Variants in OPCML observed in about 807,000 individuals in gnomAD.
OPCML encodes the protein opioid binding protein/cell adhesion molecule like.
OPCML carries 13 observed loss-of-function variants against 37.8 expected under a neutral mutation model. The ratio of observed to expected loss-of-function variants is 0.34; its 90% CI spans 0.22 to 0.55. The LOEUF (loss-of-function observed/expected upper bound fraction) is 0.55. OPCML is among the 20% of genes least tolerant of loss of function. The pLI is 0.91. For missense variants in OPCML, 341 were observed against 435.6 expected (o/e 0.78, Z 1.93); for synonymous variants, 176 against 168.8 (o/e 1.04, Z -0.33).
chr11:132,589,679 A>G (rs1440940349), intron 3 of OPCML, among the ~76,000 whole-genome samples: 1 of 152,232 alleles, frequency 6.6e-6, no homozygotes, highest in African/African-American at 2.4e-5. Flanking sequence ...ACTAGGATAC[A>G]GTGGAGAGGA....
At chr11:133,091,999 T>C (rs937829501) in intron 1 of OPCML, among the ~76,000 whole-genome samples, 2 of 152,180 alleles carry the variant, frequency 1.3e-5, no homozygotes, top group African/African-American at 4.8e-5. Context: ...TCCAATGTGA[T>C]AGCTGTAAGA....
Position 133,110,623 on chromosome 11 carries a change from G to T in OPCML, c.62-167613C>A, listed in dbSNP as rs542657488. ...GTGGGGATGTTTTACGTGACTGGGA[G>T]CAAGTGCATCTTCTCATTCTGGGTT... On this transcript the variant is annotated intron_variant, in intron 1 of 7. Coordinates refer to ENST00000524381, the MANE Select transcript of OPCML (RefSeq NM_001012393.5). Among the ~76,000 whole-genome samples the T allele has an allele frequency of 4.7e-4, 72 of 152,268 alleles. 2 individuals carry two copies. In the South Asian group the frequency reaches 0.015, roughly 32 times the overall value.
intron 1 of OPCML, among the ~76,000 whole-genome samples, chr11:133,098,847 A>G (rs1949043646): frequency 6.6e-6 from 1 of 152,136 alleles, no homozygotes; most frequent in African/African-American, 2.4e-5. Context: ...AAGAAAATAT[A>G]ATGCATATAG....
At position 132,814,422 on chromosome 11, in the gene OPCML, A is replaced by G. The variant is rs143331058; in HGVS notation, c.146+128504T>C. On this transcript the variant is annotated intron_variant, in intron 2 of 7. Coordinates refer to ENST00000524381, the MANE Select transcript of OPCML (RefSeq NM_001012393.5). ...AAAGGCCTGAGAATTAGGGGAGCCA[A>G]TGATGTAAATCCCAGCCCAAGGGCA... is the stretch of plus-strand genomic sequence containing the variant. Among the ~76,000 whole-genome samples the G allele has an allele frequency of 6.0e-3, 917 of 152,306 alleles. 3 individuals carry two copies. Among genetic ancestry groups the G allele is most frequent in the Non-Finnish European group, 0.01 (695 of 68,024 alleles).
intron 1 of OPCML, among the ~76,000 whole-genome samples, chr11:133,267,702 T>C (rs906970028): frequency 6.6e-6 from 1 of 152,166 alleles, no homozygotes; most frequent in African/African-American, 2.4e-5. Context: ...TTCCCATGTG[T>C]CGTGGGAGGG....
At chr11:133,301,071 G>A (rs1942764229) in intron 1 of OPCML, 1 of 152,160 alleles carries the variant, frequency 6.6e-6, no homozygotes, top group African/African-American at 2.4e-5. Flanking sequence ...ATAAGAAACT[G>A]ACACAGATGT....
intron 1 of OPCML, among the ~76,000 whole-genome samples, chr11:133,367,960 G>A (rs561137868): frequency 7.2e-5 from 11 of 152,244 alleles, no homozygotes; most frequent in African/African-American, 2.4e-4. Context: ...TGGTCTCCCT[G>A]GCCAGCTACA....
chr11:132,913,869 G>A (rs1403948493), intron 2 of OPCML, among the ~76,000 whole-genome samples: 1 of 152,200 alleles, frequency 6.6e-6, no homozygotes, highest in South Asian at 2.1e-4. Flanking sequence ...GAGAAGGTGG[G>A]CTACATAGCA....
chr11:133,192,768 G>A (rs1294670490), intron 1 of OPCML, among the ~76,000 whole-genome samples: 4 of 152,106 alleles, frequency 2.6e-5, no homozygotes, highest in Non-Finnish European at 4.4e-5. Flanking sequence ...GGAAAGCACT[G>A]TGCAAAAGGC....
chr11:132,784,775 T>C (rs957320133), intron 2 of OPCML, among the ~76,000 whole-genome samples: 9 of 152,116 alleles, frequency 5.9e-5, no homozygotes, highest in African/African-American at 2.2e-4. Flanking sequence ...CCTCCTGCCC[T>C]CTCTCTTGCT....
chr11:133,108,545 C>T (rs967297635), intron 1 of OPCML, among the ~76,000 whole-genome samples: 4 of 152,094 alleles, frequency 2.6e-5, no homozygotes, highest in Admixed American at 6.6e-5. Flanking sequence ...TAAATGGGAG[C>T]GTTAGGAATC....
At chr11:133,296,642 C>T (rs995482674) in intron 1 of OPCML, among the ~76,000 whole-genome samples, 5 of 152,170 alleles carry the variant, frequency 3.3e-5, no homozygotes, top group Non-Finnish European at 7.3e-5. Context: ...TGCGTAGAAG[C>T]GTGTGGAACT....
chr11:133,302,049 TA>T (rs1243935232), intron 1 of OPCML: 3 of 152,188 alleles, frequency 2.0e-5, no homozygotes, highest in African/African-American at 7.2e-5. Context: ...TGCAAGACTT[TA>T]TTGTGCTAAG....
chr11:133,149,319 G>A (rs529057134), intron 1 of OPCML, among the ~76,000 whole-genome samples: 2 of 152,262 alleles, frequency 1.3e-5, no homozygotes, highest in South Asian at 2.1e-4. Context: ...GTGGATATGA[G>A]GAAATCTTCC....
chr11:133,415,173 G>A (rs1043619973), intron 1 of OPCML, among the ~76,000 whole-genome samples: 3 of 152,138 alleles, frequency 2.0e-5, no homozygotes, highest in Non-Finnish European at 2.9e-5. Flanking sequence ...ACTTTGGGAG[G>A]CCGAGGCGGG....
At chr11:132,558,267 CT>C (rs2096400553) in intron 3 of OPCML, among the ~76,000 whole-genome samples, 1 of 146,332 alleles carries the variant, frequency 6.8e-6, no homozygotes. Flanking sequence ...CTTCCTTCTC[CT>C]CTTCTTCACC....
chr11:133,288,209 G>A (rs1187162928), intron 1 of OPCML, among the ~76,000 whole-genome samples: 2 of 152,160 alleles, frequency 1.3e-5, no homozygotes, highest in Non-Finnish European at 2.9e-5. Flanking sequence ...GGAGAGAAGT[G>A]CTTTTAAAAG....
At chr11:132,631,916 T>C (rs1940154808) in intron 3 of OPCML, among the ~76,000 whole-genome samples, 1 of 152,120 alleles carries the variant, frequency 6.6e-6, no homozygotes. Context: ...TGTGTGAATG[T>C]GTGTTAACAT....
At chr11:132,861,327 G>T (rs1942289763) in intron 2 of OPCML, among the ~76,000 whole-genome samples, 2 of 152,174 alleles carry the variant, frequency 1.3e-5, no homozygotes, top group Admixed American at 1.3e-4. Flanking sequence ...CACCAGGTTA[G>T]TTATTTCTGA....
Sources: allele counts gnomAD v4.1 joint callset (sites outside exome capture counted in the v4.1 genomes callset), GRCh38; gene constraint gnomAD v4.1.1; transcripts MANE v1.5; gene names NCBI Gene and HGNC (gene_info 2026-07-23, HGNC 2026-07-21).